Variants in GPC5 observed in about 807,000 individuals in gnomAD.
The protein encoded by GPC5 is glypican 5.
In GPC5, 47 loss-of-function variants were observed where a neutral mutation model predicts 53.9. The ratio of observed to expected loss-of-function variants is 0.87; its 90% CI spans 0.69 to 1.11. The LOEUF (loss-of-function observed/expected upper bound fraction) is 1.11. GPC5 is among the 50% of genes most tolerant of loss of function. The pLI is 0.00. For missense variants in GPC5, 748 were observed against 713.1 expected (o/e 1.05, Z -0.56); for synonymous variants, 286 against 263.3 (o/e 1.09, Z -0.84).
At chr13:91,472,868 T>G (rs497795) in intron 2 of GPC5, among the ~76,000 whole-genome samples, 1 of 151,960 alleles carries the variant, frequency 6.6e-6, no homozygotes. Flanking sequence ...TATCATTTTT[T>G]TCTGGACCTG....
intron 6 of GPC5, among the ~76,000 whole-genome samples, chr13:91,912,230 T>C (rs956280318): frequency 6.6e-6 from 1 of 152,178 alleles, no homozygotes; most frequent in Non-Finnish European, 1.5e-5. Flanking sequence ...ACAGAGAAGA[T>C]ACTTTGTAAC....
intron 7 of GPC5, among the ~76,000 whole-genome samples, chr13:92,721,184 A>G (rs1367804088): frequency 2.0e-5 from 3 of 151,876 alleles, no homozygotes; most frequent in Non-Finnish European, 4.4e-5. Context: ...GATGACCACA[A>G]GCTAGTCTTA....
chr13:92,306,463 C>A (rs573459816), intron 7 of GPC5, among the ~76,000 whole-genome samples: 15 of 152,134 alleles, frequency 9.9e-5, no homozygotes, highest in African/African-American at 3.6e-4. Flanking sequence ...TTTTGTGACA[C>A]GGAATTGTCT....
At chr13:91,590,658 A>T (rs1336216) in intron 2 of GPC5, among the ~76,000 whole-genome samples, 1 of 152,142 alleles carries the variant, frequency 6.6e-6, no homozygotes, top group Non-Finnish European at 1.5e-5. Context: ...TGAATGTATG[A>T]ATTTCCACAC....
intron 7 of GPC5, among the ~76,000 whole-genome samples, chr13:92,803,309 A>G (rs1405499506): frequency 6.6e-6 from 1 of 151,952 alleles, no homozygotes; most frequent in African/African-American, 2.4e-5. Context: ...ACCACTGACT[A>G]TTACACCCTA....
chr13:91,935,692 A>T (rs1032617316), intron 6 of GPC5, among the ~76,000 whole-genome samples: 2 of 152,030 alleles, frequency 1.3e-5, no homozygotes, highest in Non-Finnish European at 2.9e-5. Flanking sequence ...CCCAAAATAG[A>T]AGTCACTGGA....
At chr13:92,705,607 ATAAT>A (rs1165691744) in intron 7 of GPC5, among the ~76,000 whole-genome samples, 1 of 152,172 alleles carries the variant, frequency 6.6e-6, no homozygotes, top group African/African-American at 2.4e-5. Context: ...ACATAATGTC[ATAAT>A]TAATCTCAAC....
intron 5 of GPC5, among the ~76,000 whole-genome samples, chr13:91,788,475 CAG>C (rs2037912572): frequency 6.6e-6 from 1 of 152,114 alleles, no homozygotes. Flanking sequence ...AAATAAGAAA[CAG>C]AAAAAATATT....
At chr13:92,406,862 G>A (rs985064200) in intron 7 of GPC5, among the ~76,000 whole-genome samples, 1 of 152,112 alleles carries the variant, frequency 6.6e-6, no homozygotes, top group Non-Finnish European at 1.5e-5. Flanking sequence ...TATTCTTGAA[G>A]AATAAAATTT....
At chr13:92,432,948 T>TG (rs1186651150) in intron 7 of GPC5, among the ~76,000 whole-genome samples, 5 of 152,094 alleles carry the variant, frequency 3.3e-5, no homozygotes, top group African/African-American at 1.2e-4. Context: ...TGCAACTAGG[T>TG]GAGCTTATTA....
At chr13:92,418,326 C>T (rs1356400530) in intron 7 of GPC5, among the ~76,000 whole-genome samples, 1 of 151,262 alleles carries the variant, frequency 6.6e-6, no homozygotes, top group Non-Finnish European at 1.5e-5. Context: ...AATATTTTAA[C>T]AAAGCTCTTA....
chr13:91,853,775 T>C (rs551649698), intron 5 of GPC5, among the ~76,000 whole-genome samples: 23 of 152,076 alleles, frequency 1.5e-4, no homozygotes, highest in Non-Finnish European at 3.4e-4. Context: ...AATAAAGTCA[T>C]TCAAGAAATT....
At chr13:92,517,173 T>A (rs1880824036) in intron 7 of GPC5, among the ~76,000 whole-genome samples, 1 of 152,008 alleles carries the variant, frequency 6.6e-6, no homozygotes, top group Non-Finnish European at 1.5e-5. Context: ...GTAAATAAAG[T>A]GGCCAGGAAG....
intron 6 of GPC5, among the ~76,000 whole-genome samples, chr13:92,014,258 C>T (rs1399040844): frequency 6.6e-6 from 1 of 152,136 alleles, no homozygotes; most frequent in Non-Finnish European, 1.5e-5. Context: ...GAATAATCAC[C>T]ATGAAAAAAT....
intron 2 of GPC5, among the ~76,000 whole-genome samples, chr13:91,482,269 G>T (rs1883345633): frequency 6.6e-6 from 1 of 152,186 alleles, no homozygotes; most frequent in Non-Finnish European, 1.5e-5. Context: ...GAGGAACAGT[G>T]TTCTTCCTCT....
At chr13:91,766,128 T>C (rs1566671192) in intron 5 of GPC5, among the ~76,000 whole-genome samples, 2 of 152,302 alleles carry the variant, frequency 1.3e-5, no homozygotes, top group East Asian at 1.9e-4. Context: ...GACTAGGATA[T>C]AGAAGAGAAG....
At chr13:91,630,301 A>G (rs1409790524) in intron 2 of GPC5, among the ~76,000 whole-genome samples, 19 of 152,100 alleles carry the variant, frequency 1.2e-4, no homozygotes, top group Non-Finnish European at 1.5e-5. Context: ...AACATTTCAT[A>G]GGATGTTATT....
chr13:91,464,091 C>A (rs1326361506), intron 2 of GPC5, among the ~76,000 whole-genome samples: 2 of 151,970 alleles, frequency 1.3e-5, no homozygotes, highest in Non-Finnish European at 2.9e-5. Context: ...AGACATTTTA[C>A]AGAAGGGGTA....
At chr13:92,364,751 T>C (rs1488043696) in intron 7 of GPC5, among the ~76,000 whole-genome samples, 1 of 151,614 alleles carries the variant, frequency 6.6e-6, no homozygotes. Context: ...TAATAAGTAA[T>C]AAAATAAAAT....
Sources: gnomAD v4.1 joint callset for allele counts (sites outside exome capture counted in the v4.1 genomes callset) on GRCh38, gnomAD v4.1.1 for gene constraint, MANE v1.5 for transcripts, NCBI Gene and HGNC (gene_info 2026-07-23, HGNC 2026-07-21) for gene names.